The following CAMTA1 variants were observed in gnomAD, a reference collection of about 807,000 sequenced individuals.
The protein encoded by CAMTA1 is calmodulin-binding transcription activator 1.
In CAMTA1, 27 loss-of-function variants were observed where a neutral mutation model predicts 170.9. That is an observed-to-expected ratio of 0.16 (90% CI 0.12 to 0.22). The LOEUF (loss-of-function observed/expected upper bound fraction) is 0.22. Among genes scored for constraint, CAMTA1 ranks in the 10% least tolerant of loss-of-function variants. The pLI is 1.00. For synonymous variants in CAMTA1, 833 were observed against 891.5 expected (o/e 0.93, Z 1.17); for missense variants, 1,619 against 2,217.2 (o/e 0.73, Z 5.42).
intron 4 of CAMTA1, among the ~76,000 whole-genome samples, chr1:7,193,122 G>A (rs188727812): frequency 5.2e-4 from 79 of 152,190 alleles, no homozygotes; most frequent in Admixed American, 8.5e-4. Context: ...AGGCCAAGGC[G>A]GGAGGATCAC....
At chr1:6,815,004 G>T (rs1645618330) in intron 1 of CAMTA1, among the ~76,000 whole-genome samples, 1 of 152,072 alleles carries the variant, frequency 6.6e-6, no homozygotes, top group Non-Finnish European at 1.5e-5. Context: ...ATAAAACATA[G>T]TCCATGGCTT....
At chr1:7,035,890 A>G (rs1283856372) in intron 3 of CAMTA1, among the ~76,000 whole-genome samples, 1 of 152,274 alleles carries the variant, frequency 6.6e-6, no homozygotes, top group African/African-American at 2.4e-5. Flanking sequence ...GAAATAGTAT[A>G]TAGCAGTTGA....
intron 7 of CAMTA1, among the ~76,000 whole-genome samples, chr1:7,652,344 A>G (rs1299744680): frequency 2.0e-5 from 3 of 151,984 alleles, no homozygotes; most frequent in African/African-American, 4.8e-5. Context: ...TCCAAGAGCA[A>G]GTCCCCATCA....
chr1:7,226,840 A>AT lies in CAMTA1; in HGVS notation c.303-22641dup, dbSNP rs1331246029. Among the ~76,000 whole-genome samples the AT allele has an allele frequency of 4.6e-4, 69 of 148,870 alleles. 1 individual carries two copies. The Middle Eastern group carries it at 0.021, about 45-fold the overall frequency. On this transcript the variant is annotated intron_variant, in intron 4 of 22. Transcript: ENST00000303635. The stretch of plus-strand genomic sequence containing the variant: ...TTAACTGAAGCCTTTTTTATTTTTT[A>AT]TTTTTTTTTTGAGATGGAGTCTCGC...
At chr1:7,548,435 AGTG>A (rs1339536975) in intron 6 of CAMTA1, among the ~76,000 whole-genome samples, 1 of 99,560 alleles carries the variant, frequency 1.0e-5, no homozygotes. Context: ...GCCCCTTAGG[AGTG>A]GAGGTGCTGG....
rs997731390 is a variant in CAMTA1, at chr1:7,681,559, T to C, written c.2914+3826T>C. On this transcript the variant is annotated intron_variant, in intron 11 of 22. Transcript: ENST00000303635. This position sits in a 1 kb window ranked among gnomAD's most constrained non-coding sequence, Gnocchi z 4.6. ...CCATTTGCACAGGACCCCAGGGAGG[T>C]CTGAGCAGGCCAGCTCTTCATACAA... Among the ~76,000 whole-genome samples, 4 of 152,050 alleles carry C rather than the reference T, an allele frequency of 2.6e-5. No individual in the cohort carries two copies. The highest frequency in any genetic ancestry group is 6.6e-5 in the Admixed American group (1 of 15,256).
chr1:7,496,465 G>A (rs929531310), intron 6 of CAMTA1, among the ~76,000 whole-genome samples: 12 of 152,296 alleles, frequency 7.9e-5, no homozygotes, highest in East Asian at 3.9e-4. Flanking sequence ...CACAGCCTGC[G>A]TGTGCACATG....
At chr1:7,229,028 C>G (rs556032890) in intron 4 of CAMTA1, among the ~76,000 whole-genome samples, 122 of 152,190 alleles carry the variant, frequency 8.0e-4, no homozygotes, top group African/African-American at 2.9e-3. Flanking sequence ...AAAGTGTGTG[C>G]GTCAGGACAG....
In CAMTA1 at chr1:7,445,058, G is replaced by T. The variant is rs147384892; in HGVS notation, c.439-22772G>T. On this transcript the variant is annotated intron_variant, in intron 5 of 22. Transcript: ENST00000303635. ...CCCTAGCACGGGGTAGGAGGTGGGG[G>T]ATGGGGTGGGGGTTACCTCTGTGCC... Among the ~76,000 whole-genome samples, 808 of 141,014 alleles carry T rather than the reference G, an allele frequency of 5.7e-3. 12 individuals are homozygous for T. The highest frequency in any genetic ancestry group is 0.02 in the African/African-American group (780 of 39,504). The allele number at this position is 141,014 out of a possible 152,430, so 92.5% of individuals were successfully genotyped here.
At chr1:7,629,013 C>T (rs1255213420) in intron 6 of CAMTA1, among the ~76,000 whole-genome samples, 1 of 152,248 alleles carries the variant, frequency 6.6e-6, no homozygotes, top group Non-Finnish European at 1.5e-5. Flanking sequence ...CTTTGCCCTA[C>T]AGGAGTTCCC....
chr1:7,232,554 A>G (rs1663036227), intron 4 of CAMTA1, among the ~76,000 whole-genome samples: 1 of 152,178 alleles, frequency 6.6e-6, no homozygotes, highest in Non-Finnish European at 1.5e-5. Context: ...TCTCCTTGCT[A>G]GAACATAAGC....
intron 3 of CAMTA1, among the ~76,000 whole-genome samples, chr1:6,839,668 A>G (rs561924927): frequency 6.6e-6 from 1 of 152,346 alleles, no homozygotes; most frequent in South Asian, 2.1e-4. Flanking sequence ...GGCCTTTCTT[A>G]GGAAGTTATA....
intron 4 of CAMTA1, among the ~76,000 whole-genome samples, chr1:7,232,297 G>GT (rs1662985395): frequency 0.031 from 2 of 64 alleles, no homozygotes; most frequent in African/African-American, 0.1. Context: ...CGGCTGCCCC[G>GT]GCTTCTCAGC....
At chr1:6,843,133 C>T (rs952307698) in intron 3 of CAMTA1, among the ~76,000 whole-genome samples, 5 of 152,308 alleles carry the variant, frequency 3.3e-5, no homozygotes, top group East Asian at 1.9e-4. Flanking sequence ...CTGTTTTTCA[C>T]GTTGCCTTCT....
chr1:7,630,778 C>T (rs1338794116), intron 6 of CAMTA1, among the ~76,000 whole-genome samples: 3 of 152,214 alleles, frequency 2.0e-5, no homozygotes, highest in Non-Finnish European at 4.4e-5. Flanking sequence ...TCAGAATCCT[C>T]CAGCCCTGCT....
intron 5 of CAMTA1, among the ~76,000 whole-genome samples, chr1:7,410,957 G>GTGTGTA (rs2090682299): frequency 6.6e-6 from 1 of 151,786 alleles, no homozygotes; most frequent in East Asian, 1.9e-4. Context: ...ATGTGTGTAT[G>GTGTGTA]TCTGTGTGTG....
chr1:7,116,804 C>T (rs556326103), intron 4 of CAMTA1, among the ~76,000 whole-genome samples: 437 of 150,108 alleles, frequency 2.9e-3, no homozygotes, highest in Non-Finnish European at 4.8e-3. Flanking sequence ...CCTGCCACCA[C>T]GCCTGGCTAA....
chr1:7,705,672 G>C (rs2096513878), intron 11 of CAMTA1, among the ~76,000 whole-genome samples: 2 of 152,104 alleles, frequency 1.3e-5, no homozygotes, highest in Admixed American at 6.5e-5. Flanking sequence ...GGTTTCCCTG[G>C]GCAGACAGGT....
chr1:7,302,949 A>G (rs1417878625), intron 5 of CAMTA1, among the ~76,000 whole-genome samples: 1 of 152,184 alleles, frequency 6.6e-6, no homozygotes, highest in Non-Finnish European at 1.5e-5. Flanking sequence ...TGAGGGCCCA[A>G]GGGGAAGGGT....
Sources: allele counts gnomAD v4.1 joint callset (sites outside exome capture counted in the v4.1 genomes callset), GRCh38; gene constraint gnomAD v4.1.1; non-coding constraint Gnocchi (gnomAD v3.1); transcripts MANE v1.5; gene names NCBI Gene and HGNC (gene_info 2026-07-23, HGNC 2026-07-21).